PCDHGC4: variants seen among roughly 807,000 people sequenced by gnomAD.
PCDHGC4 encodes the protein protocadherin gamma subfamily C, 4.
Under a neutral mutation model 59.7 loss-of-function variants are expected in PCDHGC4, and 15 were observed. The observed-to-expected ratio is 0.25, with a 90% CI of 0.17 to 0.39. The LOEUF (loss-of-function observed/expected upper bound fraction) is 0.39, where lower values mean the gene tolerates loss of function less well. Ranked by LOEUF, PCDHGC4 falls within the 10% of genes least tolerant of loss-of-function variation. The pLI is 1.00. For missense variants in PCDHGC4, 1,016 were observed against 1,189.5 expected, an observed-to-expected ratio of 0.85 and a Z score of 2.15; for synonymous variants, 434 against 481.4, an observed-to-expected ratio of 0.90 and a Z score of 1.29.
chr5:141,488,565 C>A (rs1308485284), intron 1 of PCDHGC4, among the ~76,000 whole-genome samples: 1 of 152,174 alleles, frequency 6.6e-6, no homozygotes, highest in Non-Finnish European at 1.5e-5. Flanking sequence ...GAGATTTCCG[C>A]AAAGCATTGC....
In PCDHGC4 at chr5:141,511,161, G is replaced by A; in HGVS notation, c.2805G>A (p.Lys935=). 1 of 1,614,176 alleles carries A rather than the reference G, an allele frequency of 6.2e-7. No individual in the cohort carries two copies. The highest frequency in any genetic ancestry group is 8.5e-7 in the Non-Finnish European group (1 of 1,180,010). ...GNGNKKKSGK[K]EKK ...GCAACAAGAAGAAGTCGGGCAAGAA[G>A]GAGAAGAAGTAACATGGAGGCCAGG... Residue 935 remains lysine, a synonymous_variant, in exon 4 of 4, where the codon AAG becomes AAA. Transcript: ENST00000306593.
chr5:141,491,528 C>T lies in PCDHGC4; in HGVS notation c.2443-3279C>T, dbSNP rs745806026. ...GGCACGCTCAAGTACATGGAGGTGACGCTGCGGCCCACAGACTCGCAGAGC... is the reference window on the plus strand; with the variant it reads ...GGCACGCTCAAGTACATGGAGGTGATGCTGCGGCCCACAGACTCGCAGAGC... On this transcript the variant is annotated intron_variant, in intron 1 of 3. Coordinates refer to ENST00000306593, the MANE Select transcript of PCDHGC4 (RefSeq NM_018928.3). The surrounding 1 kb of genome is among the most constrained non-coding windows in gnomAD (Gnocchi z 6.9). 4 of 1,613,950 alleles carry T rather than the reference C, an allele frequency of 2.5e-6. No individual in the cohort carries two copies. Among genetic ancestry groups the T allele is most frequent in the South Asian group, 1.1e-5 (1 of 91,092 alleles).
Position 141,486,650 on chromosome 5 carries a change from T to C in PCDHGC4, c.1477T>C (p.Ser493Pro), listed in dbSNP as rs1321605826. Residue 493 changes from serine to proline, a missense_variant, in exon 1 of 4, where the codon TCA becomes CCA. Physicochemically the swap from Ser to Pro is moderately conservative, Grantham distance 74 (BLOSUM62 -1). Coordinates refer to ENST00000306593, the MANE Select transcript of PCDHGC4 (RefSeq NM_018928.3). The surrounding 1 kb of genome is among the most constrained non-coding windows in gnomAD (Gnocchi z 5.0). The part of the protein sequence containing the change: ...DSGLNALISY[S>P]LLEPRNRDVS... ...TGGCTTGAATGCGCTTATCTCCTAC[T>C]CACTCCTGGAGCCCAGGAATCGAGA... is the stretch of plus-strand genomic sequence containing the variant. The C allele has an allele frequency of 6.2e-7, 1 of 1,613,834 alleles. No individual in the cohort carries two copies. Among genetic ancestry groups the C allele is most frequent in the African/African-American group, 1.3e-5 (1 of 74,938 alleles).
rs2099747616 is a variant in PCDHGC4 at position 141,493,318 on chromosome 5, TA to T, written c.2443-1487del. 6.6e-6 allele frequency among the ~76,000 whole-genome samples: 1 copy of T among 152,234 alleles called. No homozygotes were observed. Among genetic ancestry groups the T allele is most frequent in the South Asian group, 2.1e-4 (1 of 4,828 alleles). On this transcript the variant is annotated intron_variant, in intron 1 of 3. Coordinates refer to ENST00000306593, the MANE Select transcript of PCDHGC4 (RefSeq NM_018928.3). This position sits in a 1 kb window ranked among gnomAD's most constrained non-coding sequence, Gnocchi z 4.3. ...TTCACAGAGCAAGTAAGAGAGATTC[TA>T]ACCCCTGTCTAACTCCAGAATGTGT...
At position 141,490,821 on chromosome 5, in the gene PCDHGC4, G is replaced by A. The variant is rs907584239; in HGVS notation, c.2442+3206G>A. On this transcript the variant is annotated intron_variant, in intron 1 of 3. Transcript: ENST00000306593. The surrounding 1 kb of genome is among the most constrained non-coding windows in gnomAD (Gnocchi z 5.4). ...AGCGTACCTTTGACTATGAATTGCT[G>A]CAGATGCTGCAGATTGTGGTGGGGG... 6.2e-7 allele frequency: 1 copy of A among 1,613,876 alleles called. No homozygotes were observed. Among genetic ancestry groups the A allele is most frequent in the Non-Finnish European group, 8.5e-7 (1 of 1,179,826 alleles).
chr5:141,501,509 C>T lies in PCDHGC4; in HGVS notation c.2502-3884C>T, dbSNP rs1046763108. 4.6e-5 allele frequency among the ~76,000 whole-genome samples: 7 copies of T among 152,080 alleles called. No individual in the cohort carries two copies. The South Asian group carries it at 6.2e-4, about 14-fold the overall frequency. On this transcript the variant is annotated intron_variant, in intron 2 of 3. Transcript: ENST00000306593. The stretch of plus-strand genomic sequence containing the variant: ...ATATCTGCTGCTGGGGCTCCAAGGC[C>T]TCCAAGCTGAAGCCCAGTACGTTGT...
rs911954966 is a variant in PCDHGC4, at chr5:141,491,081, C to G, written c.2442+3466C>G. On this transcript the variant is annotated intron_variant, in intron 1 of 3. Coordinates refer to ENST00000306593, the MANE Select transcript of PCDHGC4 (RefSeq NM_018928.3). This position sits in a 1 kb window ranked among gnomAD's most constrained non-coding sequence, Gnocchi z 6.9. ...TCCTACTCACTGTTGCCACAGTCCACAGCCCCAGGACTGTTCCTCGTGTCT... is the reference window on the plus strand; with the variant it reads ...TCCTACTCACTGTTGCCACAGTCCAGAGCCCCAGGACTGTTCCTCGTGTCT... The G allele has an allele frequency of 4.3e-6, 7 of 1,614,176 alleles. No individual in the cohort carries two copies. Among genetic ancestry groups the G allele is most frequent in the Non-Finnish European group, 5.9e-6 (7 of 1,180,010 alleles).
chr5:141,489,312 G>A lies in PCDHGC4; in HGVS notation c.2442+1697G>A, dbSNP rs745541067. The A allele has an allele frequency of 2.5e-6, 4 of 1,594,972 alleles. No homozygotes were observed. The highest frequency in any genetic ancestry group is 2.6e-6 in the Non-Finnish European group (3 of 1,169,822). On this transcript the variant is annotated intron_variant, in intron 1 of 3. Transcript: ENST00000306593. This position sits in a 1 kb window ranked among gnomAD's most constrained non-coding sequence, Gnocchi z 4.5. ...TGTGCATGTTGTCCTTGTGCTGCTG[G>A]GGCTGGGTGTCTGGGCAGCTTCGTT...
intron 2 of PCDHGC4, among the ~76,000 whole-genome samples, chr5:141,502,056 C>T (rs1163976282): frequency 1.3e-5 from 2 of 152,116 alleles, no homozygotes; most frequent in Non-Finnish European, 2.9e-5. Flanking sequence ...CTACTTTATT[C>T]CCATTAGCCC....
chr5:141,507,613 T>G (rs1003099044), intron 3 of PCDHGC4, among the ~76,000 whole-genome samples: 1 of 152,248 alleles, frequency 6.6e-6, no homozygotes, highest in African/African-American at 2.4e-5. Context: ...ACAGGTATAT[T>G]TAGCTGTTGT....
intron 2 of PCDHGC4, among the ~76,000 whole-genome samples, chr5:141,496,841 G>C (rs2099771828): frequency 6.6e-6 from 1 of 151,398 alleles, no homozygotes; most frequent in South Asian, 2.1e-4. Context: ...GAACTCATAG[G>C]CTTCCAGACC....
At chr5:141,500,227 G>T (rs959087347) in intron 2 of PCDHGC4, among the ~76,000 whole-genome samples, 15 of 116,224 alleles carry the variant, frequency 1.3e-4, no homozygotes, top group African/African-American at 2.9e-4. Context: ...TTTATTTATT[G>T]ATACGTAGCC....
In PCDHGC4 at chr5:141,486,247, C is replaced by T. The variant is rs935513223; in HGVS notation, c.1074C>T (p.Thr358=). The T allele has an allele frequency of 2.5e-6, 4 of 1,614,014 alleles. No homozygotes were observed. The African/African-American group carries it at 5.3e-5, about 22-fold the overall frequency. The change falls in exon 1 of 4, where the codon ACC becomes ACT. Residue 358 remains threonine, a synonymous_variant. Transcript: ENST00000306593. This position sits in a 1 kb window ranked among gnomAD's most constrained non-coding sequence, Gnocchi z 5.0. The part of the protein sequence containing the change: ...PYITVTSELG[T]LPESAEPGTV... Reference sequence around the variant, plus strand: ...TCACAGTGACCTCAGAGCTTGGAACCCTCCCCGAGAGTGCAGAACCTGGCA... The same window carrying T: ...TCACAGTGACCTCAGAGCTTGGAACTCTCCCCGAGAGTGCAGAACCTGGCA...
intron 2 of PCDHGC4, among the ~76,000 whole-genome samples, chr5:141,495,690 G>A (rs1261694815): frequency 1.3e-5 from 2 of 152,172 alleles, no homozygotes; most frequent in East Asian, 3.9e-4. Context: ...TGGCATAAGT[G>A]CTCAATAAAT....
intron 1 of PCDHGC4, among the ~76,000 whole-genome samples, chr5:141,492,164 C>G (rs1180358388): frequency 6.6e-6 from 1 of 152,230 alleles, no homozygotes; most frequent in Non-Finnish European, 1.5e-5. Context: ...CTCCCTATCC[C>G]CGCATCACCC....
At position 141,491,346 on chromosome 5, in the gene PCDHGC4, T is replaced by A. The variant is rs760843553; in HGVS notation, c.2443-3461T>A. ...TCATTGTGGCTCTAGCGACCGTCAG[T>A]CTCTTATCCCTAGTCACCTTCACCT... On this transcript the variant is annotated intron_variant, in intron 1 of 3. Coordinates refer to ENST00000306593, the MANE Select transcript of PCDHGC4 (RefSeq NM_018928.3). This position sits in a 1 kb window ranked among gnomAD's most constrained non-coding sequence, Gnocchi z 6.9. The A allele has an allele frequency of 6.2e-7, 1 of 1,614,088 alleles. No individual in the cohort carries two copies. The highest frequency in any genetic ancestry group is 1.1e-5 in the South Asian group (1 of 91,080).
Position 141,485,631 on chromosome 5 carries a change from C to T in PCDHGC4, c.458C>T (p.Pro153Leu). 6.2e-7 allele frequency: 1 copy of T among 1,611,764 alleles called. No homozygotes were observed. The highest frequency in any genetic ancestry group is 8.5e-7 in the Non-Finnish European group (1 of 1,178,360). ...GEAAPPGQRF[P>L]LEKAQDADVG... Reference sequence around the variant, plus strand: ...GCAGCTCCTCCAGGACAGCGTTTCCCGTTGGAAAAGGCTCAGGATGCAGAT... The same window carrying T: ...GCAGCTCCTCCAGGACAGCGTTTCCTGTTGGAAAAGGCTCAGGATGCAGAT... Residue 153 changes from proline to leucine, a missense_variant, in exon 1 of 4, where the codon CCG becomes CTG. Physicochemically the swap from Pro to Leu is moderately conservative, Grantham distance 98 (BLOSUM62 -3). Coordinates refer to ENST00000306593, the MANE Select transcript of PCDHGC4 (RefSeq NM_018928.3). The surrounding 1 kb of genome is among the most constrained non-coding windows in gnomAD (Gnocchi z 5.7).
chr5:141,503,401 C>A (rs987421198), intron 2 of PCDHGC4, among the ~76,000 whole-genome samples: 15 of 151,848 alleles, frequency 9.9e-5, no homozygotes, highest in Non-Finnish European at 1.9e-4. Context: ...TCGAAACCAA[C>A]CTGGCCAATA....
In PCDHGC4 at chr5:141,511,335, A is replaced by T; in HGVS notation, c.*162A>T. 7.0e-7 allele frequency: 1 copy of T among 1,438,820 alleles called. No homozygotes were observed. The highest frequency in any genetic ancestry group is 9.2e-7 in the Non-Finnish European group (1 of 1,083,596). The allele number at this position is 1,438,820 out of a possible 1,614,324, so 89.1% of individuals were successfully genotyped here. A position where few individuals can be genotyped will look rare whatever the true frequency, so the allele number is the denominator to read the frequency against. On this transcript the variant is annotated 3_prime_UTR_variant, in exon 4 of 4. Coordinates refer to ENST00000306593, the MANE Select transcript of PCDHGC4 (RefSeq NM_018928.3). ...AAACAGAAACAAGTGCCCAGTCAGC[A>T]CCTACCCCTTCCCCCCCAGGGGGTT...
Sources: gnomAD v4.1 joint callset for allele counts (sites outside exome capture counted in the v4.1 genomes callset) on GRCh38, gnomAD v4.1.1 for gene constraint, Gnocchi (gnomAD v3.1) non-coding constraint, MANE v1.5 for transcripts, NCBI Gene and HGNC (gene_info 2026-07-23, HGNC 2026-07-21) for gene names.